The following PCSK5 variants were observed in gnomAD, a reference collection of about 807,000 sequenced individuals.
PCSK5 encodes the protein prohormone convertase 5.
PCSK5 carries 129 observed loss-of-function variants against 233.2 expected under a neutral mutation model. The observed-to-expected ratio is 0.55, with a 90% CI of 0.48 to 0.64. PCSK5 has a LOEUF of 0.64. Among genes scored for constraint, PCSK5 ranks in the 30% least tolerant of loss-of-function variants. The pLI is 0.00. For missense variants in PCSK5, 2,076 were observed against 2,430.1 expected (o/e 0.85, Z 3.06); for synonymous variants, 825 against 879.2 (o/e 0.94, Z 1.09).
intron 36 of PCSK5, among the ~76,000 whole-genome samples, chr9:76,353,098 G>C (rs1321085641): frequency 1.3e-5 from 2 of 152,100 alleles, no homozygotes; most frequent in African/African-American, 4.8e-5. Context: ...TGAGATGCAG[G>C]ATTCAATGAG....
rs963357983 is a variant in PCSK5, at chr9:76,362,941, G to A, written c.*4019G>A. On this transcript the variant is annotated 3_prime_UTR_variant, in exon 38 of 38. Coordinates refer to ENST00000674117, the MANE Select transcript of PCSK5 (RefSeq NM_001372043.1). ...CGGCTCTTGAGACAGGAGTCTTGCC[G>A]ATGCTCCTGGCCGAATAAACTGCTC... is the stretch of plus-strand genomic sequence containing the variant. 1.3e-5 allele frequency among the ~76,000 whole-genome samples: 2 copies of A among 152,258 alleles called. No homozygotes were observed. The highest frequency in any genetic ancestry group is 1.9e-4 in the East Asian group (1 of 5,186).
chr9:76,038,095 A>G (rs1446846386), intron 5 of PCSK5, among the ~76,000 whole-genome samples: 2 of 152,164 alleles, frequency 1.3e-5, no homozygotes, highest in Non-Finnish European at 1.5e-5. Context: ...ACATTTTTGT[A>G]TGACCTTTTT....
At chr9:76,212,367 A>C (rs1825362495) in intron 20 of PCSK5, among the ~76,000 whole-genome samples, 1 of 152,194 alleles carries the variant, frequency 6.6e-6, no homozygotes, top group East Asian at 1.9e-4. Flanking sequence ...ATAGCAGGAG[A>C]GATAACAAGA....
intron 24 of PCSK5, among the ~76,000 whole-genome samples, chr9:76,281,808 T>G (rs947772566): frequency 6.6e-6 from 1 of 151,826 alleles, no homozygotes; most frequent in Non-Finnish European, 1.5e-5. Flanking sequence ...GCCACCACAC[T>G]AGGCTAATTT....
intron 8 of PCSK5, among the ~76,000 whole-genome samples, chr9:76,101,992 T>G (rs1048324811): frequency 2.0e-5 from 3 of 152,192 alleles, no homozygotes; most frequent in Non-Finnish European, 4.4e-5. Flanking sequence ...CCAGATGTGT[T>G]TTTGTTTATT....
intron 2 of PCSK5, among the ~76,000 whole-genome samples, chr9:75,954,207 A>G (rs1040723733): frequency 1.3e-5 from 2 of 152,206 alleles, no homozygotes; most frequent in African/African-American, 4.8e-5. Flanking sequence ...TAGAGTCTGT[A>G]CATGGCTTCT....
At chr9:76,129,198 G>T (rs1049117326) in intron 9 of PCSK5, among the ~76,000 whole-genome samples, 4 of 151,916 alleles carry the variant, frequency 2.6e-5, no homozygotes, top group Non-Finnish European at 5.9e-5. Flanking sequence ...TTTTAGCATT[G>T]GTACAGTGAC....
intron 4 of PCSK5, among the ~76,000 whole-genome samples, chr9:76,025,488 A>G (rs1176173707): frequency 6.6e-6 from 1 of 152,160 alleles, no homozygotes; most frequent in East Asian, 1.9e-4. Flanking sequence ...AAGGGTTCTC[A>G]ATAACACCAC....
chr9:76,233,281 A>C (rs1479164620), intron 21 of PCSK5, among the ~76,000 whole-genome samples, 179 bp from the exon 22 acceptor site: 2 of 152,210 alleles, frequency 1.3e-5, no homozygotes, highest in Admixed American at 1.3e-4. Context: ...TCTTGGGCCA[A>C]GGATGGGTAC....
chr9:76,209,063 C>G (rs1825226317), intron 20 of PCSK5, among the ~76,000 whole-genome samples: 1 of 152,194 alleles, frequency 6.6e-6, no homozygotes, highest in Non-Finnish European at 1.5e-5. Context: ...GACCACATGT[C>G]TAAGAAAGCA....
intron 1 of PCSK5, among the ~76,000 whole-genome samples, chr9:75,927,973 T>C (rs1350384059): frequency 6.6e-6 from 1 of 152,144 alleles, no homozygotes; most frequent in Non-Finnish European, 1.5e-5. Context: ...CACACTTTGG[T>C]TCTAGAAAGG....
intron 2 of PCSK5, among the ~76,000 whole-genome samples, chr9:75,961,920 C>G (rs1206123542): frequency 1.3e-5 from 2 of 152,208 alleles, no homozygotes; most frequent in Non-Finnish European, 2.9e-5. Flanking sequence ...TTGGACAGCA[C>G]TAATTCTGGT....
intron 2 of PCSK5, among the ~76,000 whole-genome samples, chr9:75,934,385 C>A (rs983938231): frequency 7.2e-5 from 11 of 152,082 alleles, no homozygotes; most frequent in Non-Finnish European, 1.6e-4. Flanking sequence ...TCTTGTAGTT[C>A]ATTTATTCTT....
chr9:75,951,629 CTT>C (rs1016924863), intron 2 of PCSK5, among the ~76,000 whole-genome samples: 5 of 152,086 alleles, frequency 3.3e-5, no homozygotes, highest in African/African-American at 9.7e-5. Context: ...AAATCCTTTG[CTT>C]TATGTATTAA....
At chr9:75,946,858 G>C (rs922683088) in intron 2 of PCSK5, among the ~76,000 whole-genome samples, 3 of 152,124 alleles carry the variant, frequency 2.0e-5, no homozygotes, top group African/African-American at 7.2e-5. Flanking sequence ...AAAGTGCTAG[G>C]ATTACAGGCA....
At chr9:75,995,950 C>T (rs773836997) in intron 3 of PCSK5, among the ~76,000 whole-genome samples, 1 of 152,028 alleles carries the variant, frequency 6.6e-6, no homozygotes, top group Non-Finnish European at 1.5e-5. Flanking sequence ...TCTATTTCTA[C>T]TATGGCATTT....
chr9:76,307,708 C>A (rs545377957), intron 28 of PCSK5, among the ~76,000 whole-genome samples: 5 of 152,034 alleles, frequency 3.3e-5, no homozygotes, highest in African/African-American at 1.2e-4. Context: ...TGATGTTTAA[C>A]AATGATTTGG....
At chr9:76,260,032 A>G (rs1337292349) in intron 24 of PCSK5, among the ~76,000 whole-genome samples, 1 of 152,158 alleles carries the variant, frequency 6.6e-6, no homozygotes, top group Non-Finnish European at 1.5e-5. Flanking sequence ...ATTTTTCATA[A>G]GTTTTCATTT....
intron 5 of PCSK5, among the ~76,000 whole-genome samples, chr9:76,056,245 G>C (rs1231416230): frequency 6.6e-6 from 1 of 152,158 alleles, no homozygotes; most frequent in South Asian, 2.1e-4. Context: ...GCAATGTCAA[G>C]GGTAAAGGGT....
Sources: gnomAD v4.1 joint callset for allele counts (sites outside exome capture counted in the v4.1 genomes callset) on GRCh38, gnomAD v4.1.1 for gene constraint, MANE v1.5 for transcripts, NCBI Gene and HGNC (gene_info 2026-07-23, HGNC 2026-07-21) for gene names.